The following PRKN variants were observed in gnomAD, a reference collection of about 807,000 sequenced individuals.
The protein encoded by PRKN is parkin RBR E3 ubiquitin protein ligase.
PRKN carries 56 observed loss-of-function variants against 59.5 expected under a neutral mutation model. The observed-to-expected ratio is 0.94, with a 90% CI of 0.76 to 1.18. PRKN has a LOEUF of 1.18. Among genes scored for constraint, PRKN ranks in the 50% most tolerant of loss-of-function variants. The probability of loss-of-function intolerance (pLI) is 0.00; values close to 1 mark genes in which losing one functional copy is unlikely to be tolerated. For missense variants in PRKN, 657 were observed against 596.4 expected, an observed-to-expected ratio of 1.10 and a Z score of -1.06; for synonymous variants, 250 against 222.1, an observed-to-expected ratio of 1.13 and a Z score of -1.12.
intron 1 of PRKN, among the ~76,000 whole-genome samples, chr6:162,574,322 G>C (rs3949079): frequency 0.22 from 33,728 of 151,944 alleles, 4,505 homozygotes; most frequent in African/African-American, 0.37. Flanking sequence ...AAGGAAACAG[G>C]CTTCTGTAGT....
At chr6:161,431,285 G>A (rs1788636129) in intron 9 of PRKN, among the ~76,000 whole-genome samples, 1 of 151,912 alleles carries the variant, frequency 6.6e-6, no homozygotes, top group Non-Finnish European at 1.5e-5. Context: ...CTGAAGAAAT[G>A]GCTTTTTCTA....
chr6:162,674,338 G>A (rs1779454019), intron 1 of PRKN, among the ~76,000 whole-genome samples: 1 of 152,174 alleles, frequency 6.6e-6, no homozygotes, highest in Non-Finnish European at 1.5e-5. Context: ...TGTACTCAAT[G>A]TTCCCTGAAG....
At position 162,180,801 on chromosome 6, in the gene PRKN, A is replaced by G. The variant is rs147583620; in HGVS notation, c.534+20330T>C. On this transcript the variant is annotated intron_variant, in intron 4 of 11. Coordinates refer to ENST00000366898, the MANE Select transcript of PRKN (RefSeq NM_004562.3). ...GGCAAACAAGCAAGTGCGTTATACA[A>G]CAGGGAACAGTGGGCTCCCCTCCCT... 6.2e-3 allele frequency among the ~76,000 whole-genome samples: 941 copies of G among 152,292 alleles called. 14 individuals carry two copies. The highest frequency in any genetic ancestry group is 0.021 in the African/African-American group (893 of 41,548).
At chr6:161,563,033 T>A (rs1373826496) in intron 8 of PRKN, among the ~76,000 whole-genome samples, 1 of 152,100 alleles carries the variant, frequency 6.6e-6, no homozygotes, top group African/African-American at 2.4e-5. Context: ...GTGTCTTGAA[T>A]AAAGCAAGCT....
At chr6:162,708,726 C>T (rs1244243415) in intron 1 of PRKN, among the ~76,000 whole-genome samples, 1 of 152,222 alleles carries the variant, frequency 6.6e-6, no homozygotes, top group Non-Finnish European at 1.5e-5. Context: ...AGAAATAACA[C>T]TGCCTTTCTG....
chr6:162,385,795 T>C (rs1484196602), intron 2 of PRKN, among the ~76,000 whole-genome samples: 1 of 152,036 alleles, frequency 6.6e-6, no homozygotes, highest in Admixed American at 6.6e-5. Flanking sequence ...TATATTGTTT[T>C]CTGAACAAAA....
chr6:162,122,727 T>TATCA (rs1323183523), intron 4 of PRKN, among the ~76,000 whole-genome samples: 1 of 151,120 alleles, frequency 6.6e-6, no homozygotes, highest in Non-Finnish European at 1.5e-5. Context: ...TCTATCTATC[T>TATCA]ATCTATCTAT....
rs116290740 is a variant in PRKN at position 162,126,304 on chromosome 6, C to T, written c.535-72130G>A. Among the ~76,000 whole-genome samples, 413 of 152,260 alleles carry T rather than the reference C, an allele frequency of 2.7e-3. 2 individuals carry two copies. The highest frequency in any genetic ancestry group is 9.7e-3 in the African/African-American group (401 of 41,544). ...CAGGGCTTAGCCAGTGGTACCTGGT[C>T]ATTTCTGAACTCATGAAATAGATGA... On this transcript the variant is annotated intron_variant, in intron 4 of 11. Transcript: ENST00000366898.
At chr6:161,797,623 T>C (rs1271386549) in intron 6 of PRKN, among the ~76,000 whole-genome samples, 1 of 152,132 alleles carries the variant, frequency 6.6e-6, no homozygotes, top group Non-Finnish European at 1.5e-5. Flanking sequence ...TGAAGTAGAG[T>C]GGTTTGAAAT....
At chr6:162,571,664 C>T (rs1780334107) in intron 1 of PRKN, among the ~76,000 whole-genome samples, 1 of 151,968 alleles carries the variant, frequency 6.6e-6, no homozygotes, top group South Asian at 2.1e-4. Context: ...ATGTAAAGTA[C>T]CCGTGGGATG....
At chr6:162,439,264 CA>C (rs1423855166) in intron 2 of PRKN, among the ~76,000 whole-genome samples, 2 of 152,000 alleles carry the variant, frequency 1.3e-5, no homozygotes, top group Non-Finnish European at 2.9e-5. Context: ...GGATAAAAAA[CA>C]GGCCATTGTT....
chr6:161,551,007 C>G lies in PRKN; in HGVS notation c.934-2004G>C, dbSNP rs1044779662. Among the ~76,000 whole-genome samples, 2 of 152,078 alleles carry G rather than the reference C, an allele frequency of 1.3e-5. No homozygotes were observed. Among genetic ancestry groups the G allele is most frequent in the African/African-American group, 4.8e-5 (2 of 41,410 alleles). ...GGCCTCCTTGTAAACGTGTGAATGG[C>G]ATACACATACAGCACCTTTACCAGA... On this transcript the variant is annotated intron_variant, in intron 8 of 11. Transcript: ENST00000366898. This position sits in a 1 kb window ranked among gnomAD's most constrained non-coding sequence, Gnocchi z 5.2.
At chr6:162,661,500 AG>A (rs1778878354) in intron 1 of PRKN, among the ~76,000 whole-genome samples, 2 of 152,152 alleles carry the variant, frequency 1.3e-5, no homozygotes, top group Admixed American at 6.5e-5. Flanking sequence ...TGAGGTTAGT[AG>A]GGGTTGGTTT....
intron 6 of PRKN, among the ~76,000 whole-genome samples, chr6:161,852,271 C>T (rs911748304): frequency 3.3e-5 from 5 of 152,132 alleles, no homozygotes; most frequent in African/African-American, 9.6e-5. Flanking sequence ...CATAGTGAGA[C>T]TCCATCTCTA....
At chr6:162,587,963 A>G (rs568118774) in intron 1 of PRKN, among the ~76,000 whole-genome samples, 2 of 152,148 alleles carry the variant, frequency 1.3e-5, no homozygotes, top group African/African-American at 2.4e-5. Flanking sequence ...TTTCTTTGGG[A>G]AAAAAGTTAC....
chr6:161,728,270 A>T (rs1787532584), intron 7 of PRKN, among the ~76,000 whole-genome samples: 2 of 152,104 alleles, frequency 1.3e-5, no homozygotes, highest in South Asian at 4.1e-4. Flanking sequence ...CCACACCTAT[A>T]GAAATTTTAA....
At chr6:162,310,760 T>TATA (rs146465871) in intron 2 of PRKN, among the ~76,000 whole-genome samples, 2 of 142,978 alleles carry the variant, frequency 1.4e-5, no homozygotes, top group South Asian at 2.1e-4. Context: ...TATATATATA[T>TATA]AAAAAAAAGC....
At chr6:162,532,683 A>C (rs1778561752) in intron 1 of PRKN, among the ~76,000 whole-genome samples, 1 of 152,238 alleles carries the variant, frequency 6.6e-6, no homozygotes, top group Non-Finnish European at 1.5e-5. Flanking sequence ...TATCTCTTCC[A>C]CACAAAAGGT....
chr6:161,494,783 G>A (rs531831371), intron 9 of PRKN, among the ~76,000 whole-genome samples: 1 of 152,172 alleles, frequency 6.6e-6, no homozygotes, highest in Non-Finnish European at 1.5e-5. Context: ...GCTGGCTGAG[G>A]TGCATCTGAT....
Sources: gnomAD v4.1 joint callset for allele counts (sites outside exome capture counted in the v4.1 genomes callset) on GRCh38, gnomAD v4.1.1 for gene constraint, Gnocchi (gnomAD v3.1) non-coding constraint, MANE v1.5 for transcripts, NCBI Gene and HGNC (gene_info 2026-07-23, HGNC 2026-07-21) for gene names.